FARSB: variants seen among roughly 807,000 people sequenced by gnomAD.
FARSB encodes phenylalanyl-tRNA synthetase subunit beta.
In FARSB, 40 loss-of-function variants were observed where a neutral mutation model predicts 69.6. The ratio of observed to expected loss-of-function variants is 0.57; its 90% confidence interval spans 0.45 to 0.75. FARSB has a LOEUF of 0.75. FARSB is among the 30% of genes least tolerant of loss of function. FARSB has a pLI of 0.00. For missense variants in FARSB, 632 were observed against 722.9 expected (o/e 0.87, Z 1.44); for synonymous variants, 235 against 247.2 (o/e 0.95, Z 0.46).
At chr2:222,605,249 A>C in intron 15 of FARSB, among the ~76,000 whole-genome samples, 1 of 151,954 alleles carries the variant, frequency 6.6e-6, no homozygotes, top group East Asian at 1.9e-4. Context: ...GAAACGAAAC[A>C]GAACTAAATT....
At chr2:222,654,912 G>T (rs1692130984) in intron 1 of FARSB, among the ~76,000 whole-genome samples, 1 of 152,146 alleles carries the variant, frequency 6.6e-6, no homozygotes, top group Non-Finnish European at 1.5e-5. Flanking sequence ...AAATTATGGG[G>T]TGGGGGCCGG....
chr2:222,638,609 C>T (rs545113530), intron 5 of FARSB, among the ~76,000 whole-genome samples: 9 of 152,172 alleles, frequency 5.9e-5, no homozygotes, highest in Non-Finnish European at 1.2e-4. Flanking sequence ...TTGCTACTAC[C>T]ACATGGACAA....
At chr2:222,575,295 T>C (rs1448443572) in intron 16 of FARSB, among the ~76,000 whole-genome samples, 1 of 152,224 alleles carries the variant, frequency 6.6e-6, no homozygotes, top group Non-Finnish European at 1.5e-5. Context: ...TCTAGGCTTG[T>C]GAAAAATCAG....
Position 222,634,436 on chromosome 2 carries a change from A to G in FARSB, c.561T>C (p.Asn187=). 1.2e-6 allele frequency: 2 copies of G among 1,611,770 alleles called. No individual in the cohort carries two copies. Among genetic ancestry groups the G allele is most frequent in the East Asian group, 4.5e-5 (2 of 44,832 alleles). ...RPSDIKFKPL[N]KTKEYTACEL... ...CACAGGCTGTATACTCCTTGGTCTTATTTAGAGGCTTGAATTTGATATCTG... is the reference window on the plus strand; with the variant it reads ...CACAGGCTGTATACTCCTTGGTCTTGTTTAGAGGCTTGAATTTGATATCTG... Residue 187 remains asparagine (N), a synonymous_variant, in exon 6 of 17, where the codon AAT becomes AAC. Coordinates refer to ENST00000281828, the MANE Select transcript of FARSB (RefSeq NM_005687.5).
intron 16 of FARSB, among the ~76,000 whole-genome samples, chr2:222,597,499 T>C (rs1192765160): frequency 6.6e-6 from 1 of 152,124 alleles, no homozygotes; most frequent in African/African-American, 2.4e-5. Context: ...GGAAACTAGA[T>C]ACTAAGTATT....
At chr2:222,642,713 A>C in intron 3 of FARSB, 138 bp downstream of exon 3, 1 of 539,526 alleles carries the variant, frequency 1.9e-6, no homozygotes, top group Admixed American at 3.3e-5. Context: ...TAATTCCTCA[A>C]ATCAACCCTC....
chr2:222,622,656 G>A (rs1449928909), intron 13 of FARSB, among the ~76,000 whole-genome samples: 2 of 152,090 alleles, frequency 1.3e-5, no homozygotes, highest in East Asian at 1.9e-4. Flanking sequence ...TAGTGTACAC[G>A]GTATGAGACC....
At chr2:222,644,257 G>A (rs1471607249) in intron 2 of FARSB, among the ~76,000 whole-genome samples, 2 of 152,146 alleles carry the variant, frequency 1.3e-5, no homozygotes, top group Non-Finnish European at 2.9e-5. Context: ...GGAACCACAG[G>A]AGTCTATGCA....
At chr2:222,621,620 A>G (rs533451206) in intron 13 of FARSB, among the ~76,000 whole-genome samples, 31 of 152,364 alleles carry the variant, frequency 2.0e-4, no homozygotes, top group African/African-American at 7.2e-4. Context: ...TATTATTCCT[A>G]TAACAAGGCT....
At chr2:222,580,601 C>G (rs559679392) in intron 16 of FARSB, among the ~76,000 whole-genome samples, 122 of 152,032 alleles carry the variant, frequency 8.0e-4, no homozygotes, top group Non-Finnish European at 1.6e-3. Context: ...GTACTAGCAA[C>G]AAACCACAAA....
chr2:222,627,599 G>A (rs1691311394), intron 10 of FARSB, among the ~76,000 whole-genome samples: 1 of 152,214 alleles, frequency 6.6e-6, no homozygotes, highest in Non-Finnish European at 1.5e-5. Flanking sequence ...CTTGGGGGTA[G>A]TTTGTTAAAT....
intron 13 of FARSB, among the ~76,000 whole-genome samples, chr2:222,622,283 A>G (rs1023148519): frequency 6.6e-6 from 1 of 152,208 alleles, no homozygotes; most frequent in Non-Finnish European, 1.5e-5. Context: ...GGCAATGGAT[A>G]TTGTAATAAG....
intron 16 of FARSB, among the ~76,000 whole-genome samples, chr2:222,590,548 C>CA (rs377051875): frequency 0.013 from 1,433 of 113,964 alleles, 22 homozygotes; most frequent in African/African-American, 0.037. Flanking sequence ...CCTTTTAGGC[C>CA]AAAAAAAAAA....
At chr2:222,625,985 G>C (rs995955967) in intron 10 of FARSB, among the ~76,000 whole-genome samples, 1 of 152,194 alleles carries the variant, frequency 6.6e-6, no homozygotes, top group East Asian at 1.9e-4. Flanking sequence ...GGTGGCTCAC[G>C]CCTGTAATCC....
Position 222,630,094 on chromosome 2 carries a change from A to C in FARSB, c.848+19T>G. On this transcript the variant is annotated intron_variant, in intron 9 of 16. Coordinates refer to ENST00000281828, the MANE Select transcript of FARSB (RefSeq NM_005687.5). ...CTTCAGAACAATGGGCCATCAATAAAGGTGCTGGATGAACTTACGTAAATT... is the reference window on the plus strand; with the variant it reads ...CTTCAGAACAATGGGCCATCAATAACGGTGCTGGATGAACTTACGTAAATT... 6.9e-7 allele frequency: 1 copy of C among 1,458,270 alleles called. No homozygotes were observed. Among genetic ancestry groups the C allele is most frequent in the East Asian group, 2.4e-5 (1 of 41,982 alleles). 90.3% of individuals were successfully genotyped at this position (1,458,270 alleles called of 1,614,324 possible).
At chr2:222,589,700 G>A (rs982330033) in intron 16 of FARSB, among the ~76,000 whole-genome samples, 6 of 152,038 alleles carry the variant, frequency 3.9e-5, no homozygotes, top group African/African-American at 9.7e-5. Flanking sequence ...AAAAGTAGGC[G>A]AAGGATATCA....
At chr2:222,597,721 A>G (rs1289609109) in intron 16 of FARSB, among the ~76,000 whole-genome samples, 2 of 152,138 alleles carry the variant, frequency 1.3e-5, no homozygotes, top group African/African-American at 4.8e-5. Flanking sequence ...CTTGGATCCT[A>G]TGAGCACGAT....
chr2:222,568,934 A>G lies in FARSB; in HGVS notation c.*2937T>C, dbSNP rs1689673526. On this transcript the variant is annotated 3_prime_UTR_variant, in exon 17 of 17. Transcript: ENST00000281828. This position sits in a 1 kb window ranked among gnomAD's most constrained non-coding sequence, Gnocchi z 4.3. ...TTTTTTCTAAGCTAGAACAAAAATC[A>G]ATTCCATTTAATTTTCACTTTAATA... The G allele has an allele frequency of 6.6e-6, 1 of 152,242 alleles. No individual in the cohort carries two copies. Among genetic ancestry groups the G allele is most frequent in the South Asian group, 2.1e-4 (1 of 4,832 alleles). 9.4% of individuals were successfully genotyped at this position (152,242 alleles called of 1,614,324 possible).
At chr2:222,633,596 C>T (rs1430658925) in intron 6 of FARSB, among the ~76,000 whole-genome samples, 3 of 147,116 alleles carry the variant, frequency 2.0e-5, no homozygotes. Context: ...GCAGGAGGAT[C>T]ACTTGAACCC....
Sources: allele counts gnomAD v4.1 joint callset (sites outside exome capture counted in the v4.1 genomes callset), GRCh38; gene constraint gnomAD v4.1.1; non-coding constraint Gnocchi (gnomAD v3.1); transcripts MANE v1.5; gene names NCBI Gene and HGNC (gene_info 2026-07-23, HGNC 2026-07-21).